The following UBE3B variants were observed in gnomAD, a reference collection of about 807,000 sequenced individuals.
The protein encoded by UBE3B is ubiquitin protein ligase E3B, also known as ubiquitin-protein ligase E3B.
Under a neutral mutation model 132.3 loss-of-function variants are expected in UBE3B, and 80 were observed. The ratio of observed to expected loss-of-function variants is 0.60; its 90% CI spans 0.50 to 0.73. The LOEUF (loss-of-function observed/expected upper bound fraction) is 0.73. UBE3B is among the 30% of genes least tolerant of loss of function. The pLI is 0.00. For synonymous variants in UBE3B, 487 were observed against 520.4 expected (o/e 0.94, Z 0.87); for missense variants, 1,196 against 1,362.5 (o/e 0.88, Z 1.92).
intron 24 of UBE3B, among the ~76,000 whole-genome samples, chr12:109,527,509 C>G (rs1035247622): frequency 3.9e-5 from 6 of 152,202 alleles, no homozygotes; most frequent in Non-Finnish European, 7.3e-5. Flanking sequence ...CCAGTGTTCC[C>G]AAGCATCATG....
At chr12:109,518,877 C>G (rs545692074) in intron 19 of UBE3B, among the ~76,000 whole-genome samples, 5 of 152,262 alleles carry the variant, frequency 3.3e-5, no homozygotes, top group South Asian at 4.1e-4. Context: ...TCCCAGTTGT[C>G]GTAATCTGGT....
intron 24 of UBE3B, chr12:109,528,336 A>G (rs1413168089): frequency 1.0e-6 from 1 of 985,164 alleles, no homozygotes; most frequent in African/African-American, 1.7e-5. Context: ...AAAGTGGAGC[A>G]GTACTCGTCA....
chr12:109,507,669 C>G lies in UBE3B; in HGVS notation c.1556C>G (p.Thr519Ser). ...TTCTTGGAATGCCTGAACAATGACA[C>G]TGAAGAGTCCAAGCAACTCTTGGCC... is the stretch of plus-strand genomic sequence containing the variant. ...KLFLECLNND[T>S]EESKQLLAML... The change falls in exon 15 of 28, where the codon ACT becomes AGT. Residue 519 changes from threonine (T) to serine (S), a missense_variant. By Grantham distance (58) the Thr-to-Ser change is moderately conservative. Coordinates refer to ENST00000342494, the MANE Select transcript of UBE3B (RefSeq NM_130466.4). The G allele has an allele frequency of 6.2e-7, 1 of 1,614,230 alleles. No homozygotes were observed. The highest frequency in any genetic ancestry group is 8.5e-7 in the Non-Finnish European group (1 of 1,180,052).
rs1214891947 is a variant in UBE3B, at chr12:109,529,181, GA to G, written c.2628-703del. Among the ~76,000 whole-genome samples the G allele has an allele frequency of 3.3e-5, 5 of 152,230 alleles. No homozygotes were observed. In the East Asian group the frequency reaches 9.7e-4, roughly 29 times the overall value. On this transcript the variant is annotated intron_variant, in intron 24 of 27. Coordinates refer to ENST00000342494, the MANE Select transcript of UBE3B (RefSeq NM_130466.4). ...GTCTCAAAACATAAATAAATAAAAA[GA>G]AAAAAGAAATTAGCGATGCTAGCAA...
chr12:109,486,051 G>T lies in UBE3B; in HGVS notation c.322G>T (p.Asp108Tyr). The change falls in exon 5 of 28, where the codon GAT becomes TAT. Residue 108 changes from aspartate (D) to tyrosine (Y), a missense_variant. By Grantham distance (160) the Asp-to-Tyr change is radical (BLOSUM62 -3). Coordinates refer to ENST00000342494, the MANE Select transcript of UBE3B (RefSeq NM_130466.4). The part of the protein sequence containing the change: ...KLCRSILSSM[D>Y]AENEPKVWYV... ...GTGTCGCAGCATCCTGAGCAGCATG[G>T]ATGCTGAGAATGAGCCTAAGGTAAG... 6.4e-7 allele frequency: 1 copy of T among 1,556,176 alleles called. No individual in the cohort carries two copies. The highest frequency in any genetic ancestry group is 8.7e-7 in the Non-Finnish European group (1 of 1,149,298).
chr12:109,534,876 A>AATGTCACCT lies in UBE3B; in HGVS notation c.*94_*95insATGTCACCT. 8.8e-7 allele frequency: 1 copy of AATGTCACCT among 1,141,114 alleles called. No homozygotes were observed. Among genetic ancestry groups the AATGTCACCT allele is most frequent in the Non-Finnish European group, 1.2e-6 (1 of 822,158 alleles). The allele number at this position is 1,141,114 out of a possible 1,614,324, so 70.7% of individuals were successfully genotyped here. On this transcript the variant is annotated 3_prime_UTR_variant, in exon 28 of 28. Transcript: ENST00000342494. This position sits in a 1 kb window ranked among gnomAD's most constrained non-coding sequence, Gnocchi z 5.2. Reference sequence around the variant, plus strand: ...GTCCTGGGAATGTGACCAACATGCCAGGTGACATTGGCCCCTAGACCCTCT... The same window carrying AATGTCACCT: ...GTCCTGGGAATGTGACCAACATGCCAATGTCACCTGGTGACATTGGCCCCTAGACCCTCT...
At chr12:109,527,039 AG>A (rs1882419834) in intron 24 of UBE3B, among the ~76,000 whole-genome samples, 1 of 152,088 alleles carries the variant, frequency 6.6e-6, no homozygotes, top group Non-Finnish European at 1.5e-5. Context: ...CTGAACCCAG[AG>A]GGCACAGAGG....
At chr12:109,508,905 C>A in intron 15 of UBE3B, 2 of 253,804 alleles carry the variant, frequency 7.9e-6, no homozygotes, top group Non-Finnish European at 1.2e-5. Context: ...AAAGATTCTG[C>A]AGCTTTCCTC....
intron 24 of UBE3B, chr12:109,528,258 C>A: frequency 2.3e-6 from 2 of 852,000 alleles, no homozygotes; most frequent in Non-Finnish European, 2.8e-6. Flanking sequence ...CCCATACTCT[C>A]TTCTCTCGTA....
Position 109,526,345 on chromosome 12 carries a change from T to A in UBE3B, c.2569-13T>A, listed in dbSNP as rs781382838. On this transcript the variant is annotated splice_polypyrimidine_tract_variant and intron_variant, in intron 23 of 27. Coordinates refer to ENST00000342494, the MANE Select transcript of UBE3B (RefSeq NM_130466.4). ...GAGTCCTCCCTATTAATTACTCCCATCTTCTCCCCCAGCTTGTTTGCCATG... is the reference window on the plus strand; with the variant it reads ...GAGTCCTCCCTATTAATTACTCCCAACTTCTCCCCCAGCTTGTTTGCCATG... 30 of 1,613,912 alleles carry A rather than the reference T, an allele frequency of 1.9e-5. No individual in the cohort carries two copies. The highest frequency in any genetic ancestry group is 5.3e-5 in the African/African-American group (4 of 74,896).
At chr12:109,493,126 T>G (rs931323518) in intron 9 of UBE3B, among the ~76,000 whole-genome samples, 2 of 152,226 alleles carry the variant, frequency 1.3e-5, no homozygotes, top group South Asian at 4.1e-4. Flanking sequence ...CTAGGGAAGT[T>G]ATGTGAGTTG....
Position 109,501,414 on chromosome 12 carries a change from T to C in UBE3B, c.1162T>C (p.Leu388=), listed in dbSNP as rs145230392. The change falls in exon 13 of 28, where the codon TTG becomes CTG. Residue 388 remains leucine (L), a synonymous_variant. Transcript: ENST00000342494. Reference sequence around the variant, plus strand: ...CTTGATCACCAAACAGCTGCAGTTCTTGTGGGGGGTGCCTCTGATCCGGAT... The same window carrying C: ...CTTGATCACCAAACAGCTGCAGTTCCTGTGGGGGGTGCCTCTGATCCGGAT... The part of the protein sequence containing the change: ...MHLITKQLQF[L]WGVPLIRIFF... 6.8e-6 allele frequency: 11 copies of C among 1,614,056 alleles called. No individual in the cohort carries two copies. The highest frequency in any genetic ancestry group is 3.3e-4 in the Middle Eastern group (2 of 6,082).
chr12:109,537,443 A>G (rs1248008857), downstream of UBE3B, among the ~76,000 whole-genome samples: 1 of 152,192 alleles, frequency 6.6e-6, no homozygotes, highest in Admixed American at 6.5e-5. Flanking sequence ...TGGCCTGGGA[A>G]GCCCCTGAGG....
At chr12:109,540,809 T>C (rs534440510), downstream of UBE3B, among the ~76,000 whole-genome samples, 104 of 152,222 alleles carry the variant, frequency 6.8e-4, no homozygotes, top group Non-Finnish European at 1.3e-3. Context: ...AACAAGAACA[T>C]TGTAGCCAGA....
At chr12:109,539,581 G>A (rs7979816), downstream of UBE3B, among the ~76,000 whole-genome samples, 25,525 of 152,182 alleles carry the variant, frequency 0.17, 2,197 homozygotes, top group African/African-American at 0.18. Flanking sequence ...CAGTCTTGCC[G>A]TGAACCACAG....
intron 19 of UBE3B, among the ~76,000 whole-genome samples, 166 bp downstream of exon 19, chr12:109,517,050 A>G (rs1881156462): frequency 6.6e-6 from 1 of 152,166 alleles, no homozygotes. Context: ...ACTGCTCTGA[A>G]CAGCTGCTTG....
chr12:109,532,325 G>T (rs919300872), intron 26 of UBE3B, among the ~76,000 whole-genome samples: 8 of 152,206 alleles, frequency 5.3e-5, no homozygotes, highest in Non-Finnish European at 1.2e-4. Flanking sequence ...TTCCTGCATT[G>T]ATGCTGCTAT....
chr12:109,534,466 G>T lies in UBE3B; in HGVS notation c.3016-125G>T. 6.8e-7 allele frequency: 1 copy of T among 1,464,968 alleles called. No homozygotes were observed. Among genetic ancestry groups the T allele is most frequent in the Non-Finnish European group, 9.0e-7 (1 of 1,110,664 alleles). The allele number at this position is 1,464,968 out of a possible 1,614,324, so 90.7% of individuals were successfully genotyped here. Reference sequence around the variant, plus strand: ...CCTCGGGTAGTGGTGCCAGGGCAGCGCCCTGCACTCTGCCCAGCATCCAGG... The same window carrying T: ...CCTCGGGTAGTGGTGCCAGGGCAGCTCCCTGCACTCTGCCCAGCATCCAGG... On this transcript the variant is annotated intron_variant, in intron 27 of 27. Coordinates refer to ENST00000342494, the MANE Select transcript of UBE3B (RefSeq NM_130466.4). This position sits in a 1 kb window ranked among gnomAD's most constrained non-coding sequence, Gnocchi z 5.2.
At position 109,491,209 on chromosome 12, in the gene UBE3B, A is replaced by G. The variant is rs1199847590; in HGVS notation, c.713+82A>G. 4.4e-6 allele frequency: 6 copies of G among 1,374,498 alleles called. No homozygotes were observed. In the African/African-American group the frequency reaches 5.8e-5, roughly 13 times the overall value. The allele number at this position is 1,374,498 out of a possible 1,614,324, so 85.1% of individuals were successfully genotyped here. On this transcript the variant is annotated intron_variant, in intron 9 of 27. Coordinates refer to ENST00000342494, the MANE Select transcript of UBE3B (RefSeq NM_130466.4). ...GGTTTTTCTTTCTCTCGTTACTGGT[A>G]TTAGGTATAGACTTGCCCATTTTGT...
Sources: allele counts gnomAD v4.1 joint callset (sites outside exome capture counted in the v4.1 genomes callset), GRCh38; gene constraint gnomAD v4.1.1; non-coding constraint Gnocchi (gnomAD v3.1); transcripts MANE v1.5; gene names NCBI Gene and HGNC (gene_info 2026-07-23, HGNC 2026-07-21).